Variants in SND1 observed in about 807,000 individuals in gnomAD.
The protein encoded by SND1 is staphylococcal nuclease domain-containing protein 1.
Under a neutral mutation model 121.7 loss-of-function variants are expected in SND1, and 38 were observed. The observed-to-expected ratio is 0.31, with a 90% CI of 0.24 to 0.41. The LOEUF is 0.41. Ranked by LOEUF, SND1 falls within the 10% of genes least tolerant of loss-of-function variation. The pLI is 1.00. For missense variants in SND1, 868 were observed against 1,184.6 expected (o/e 0.73, Z 3.92); for synonymous variants, 401 against 447.4 (o/e 0.90, Z 1.31).
chr7:127,713,959 C>T (rs1481745794), intron 9 of SND1, among the ~76,000 whole-genome samples: 2 of 152,128 alleles, frequency 1.3e-5, no homozygotes, highest in South Asian at 2.1e-4. Context: ...TTCCCTGTGG[C>T]GTTTTAGCTG....
At chr7:127,679,763 C>T (rs757780768) in intron 1 of SND1, among the ~76,000 whole-genome samples, 9 of 152,318 alleles carry the variant, frequency 5.9e-5, no homozygotes, top group Admixed American at 1.3e-4. Flanking sequence ...TCAATCAGTA[C>T]GCAATCTCTT....
chr7:127,732,696 A>G (rs1796701597), intron 10 of SND1, among the ~76,000 whole-genome samples: 1 of 152,268 alleles, frequency 6.6e-6, no homozygotes, highest in Admixed American at 6.5e-5. Flanking sequence ...TTTATATTCT[A>G]GAAAACTACA....
chr7:127,734,795 C>G (rs1023580532), intron 10 of SND1, among the ~76,000 whole-genome samples: 1 of 152,198 alleles, frequency 6.6e-6, no homozygotes, highest in Non-Finnish European at 1.5e-5. Context: ...TTTCAGGACT[C>G]AGCTCTGAGC....
intron 11 of SND1, among the ~76,000 whole-genome samples, chr7:127,831,912 T>G (rs1267094822): frequency 2.0e-5 from 3 of 152,166 alleles, no homozygotes; most frequent in South Asian, 4.1e-4. Flanking sequence ...ATTGCACCTT[T>G]GAAGATAAGC....
At chr7:127,757,227 ATG>A (rs768485491) in intron 10 of SND1, among the ~76,000 whole-genome samples, 1 of 152,204 alleles carries the variant, frequency 6.6e-6, no homozygotes, top group Non-Finnish European at 1.5e-5. Context: ...ATGCAATGTA[ATG>A]TCTGTGAGAT....
intron 22 of SND1, among the ~76,000 whole-genome samples, chr7:128,090,430 C>T (rs1793757993): frequency 6.6e-6 from 1 of 152,194 alleles, no homozygotes; most frequent in Non-Finnish European, 1.5e-5. Context: ...GCCACTGAGG[C>T]CCTATTGCAG....
chr7:127,741,606 G>A, intron 10 of SND1, among the ~76,000 whole-genome samples: 1 of 152,072 alleles, frequency 6.6e-6, no homozygotes, highest in East Asian at 1.9e-4. Context: ...TTCTCTACTA[G>A]CCCTTTCTCC....
At chr7:128,027,043 C>T (rs1803495114) in intron 16 of SND1, 1 of 152,252 alleles carries the variant, frequency 6.6e-6, no homozygotes, top group Admixed American at 6.6e-5. Context: ...CAGGGTCTTA[C>T]TCAATTTAAC....
chr7:127,750,877 A>G (rs1563000388), intron 10 of SND1, among the ~76,000 whole-genome samples: 1 of 152,216 alleles, frequency 6.6e-6, no homozygotes, highest in African/African-American at 2.4e-5. Context: ...ATAAAAAATC[A>G]TAAGGATGAG....
At chr7:127,688,914 A>G (rs575788150) in intron 2 of SND1, among the ~76,000 whole-genome samples, 25 of 152,326 alleles carry the variant, frequency 1.6e-4, no homozygotes, top group African/African-American at 6.0e-4. Context: ...TAGTTTTTAA[A>G]ATTATAATAA....
chr7:127,993,815 T>A (rs1297486149), intron 16 of SND1, among the ~76,000 whole-genome samples: 1 of 152,198 alleles, frequency 6.6e-6, no homozygotes, highest in Non-Finnish European at 1.5e-5. Context: ...GCCCACAGAT[T>A]GTACGATTTC....
intron 1 of SND1, among the ~76,000 whole-genome samples, chr7:127,662,769 A>G (rs973702952): frequency 1.3e-5 from 2 of 151,776 alleles, no homozygotes; most frequent in African/African-American, 2.4e-5. Context: ...GTAAATAATT[A>G]CTGTTGTCCC....
At position 127,686,569 on chromosome 7, in the gene SND1, A is replaced by G. The variant is rs200246378; in HGVS notation, c.79-44A>G. 3.6e-5 allele frequency: 58 copies of G among 1,589,234 alleles called. 1 individual carries two copies. In the Middle Eastern group the frequency reaches 8.2e-4, roughly 23 times the overall value. ...GGTACACAACCTGCATTATGGTGAT[A>G]CGGCCTCTGGACCATTCATTTTCTC... On this transcript the variant is annotated intron_variant, in intron 1 of 23. Transcript: ENST00000354725.
intron 16 of SND1, among the ~76,000 whole-genome samples, chr7:128,037,219 G>A (rs1792766151): frequency 6.6e-6 from 1 of 152,190 alleles, no homozygotes; most frequent in African/African-American, 2.4e-5. Flanking sequence ...AGGCCGTAGG[G>A]GAGAATCATT....
At chr7:127,716,781 A>G (rs1406774468) in intron 9 of SND1, among the ~76,000 whole-genome samples, 1 of 152,116 alleles carries the variant, frequency 6.6e-6, no homozygotes, top group Admixed American at 6.6e-5. Flanking sequence ...GCAGCTGAAT[A>G]TTTTTGGCAT....
intron 10 of SND1, among the ~76,000 whole-genome samples, chr7:127,772,250 C>T (rs531527772): frequency 5.9e-5 from 9 of 152,300 alleles, no homozygotes; most frequent in East Asian, 1.9e-4. Context: ...TGTCTTTTCT[C>T]ACTAGCCAAA....
chr7:127,889,434 A>G (rs1395909559), intron 13 of SND1, among the ~76,000 whole-genome samples: 2 of 151,906 alleles, frequency 1.3e-5, no homozygotes, highest in African/African-American at 2.4e-5. Flanking sequence ...AGATGTTTTG[A>G]TACAGGCATG....
At chr7:127,782,846 C>T (rs1797746936) in intron 10 of SND1, among the ~76,000 whole-genome samples, 1 of 152,150 alleles carries the variant, frequency 6.6e-6, no homozygotes, top group Non-Finnish European at 1.5e-5. Context: ...CTGAGTTTTT[C>T]AACTGCTGTA....
intron 16 of SND1, among the ~76,000 whole-genome samples, chr7:128,046,143 C>T (rs1792941823): frequency 1.3e-5 from 2 of 152,158 alleles, no homozygotes; most frequent in Admixed American, 1.3e-4. Flanking sequence ...ATCAAACAGG[C>T]TGAAGTGCAG....
Sources: allele counts gnomAD v4.1 joint callset (sites outside exome capture counted in the v4.1 genomes callset), GRCh38; gene constraint gnomAD v4.1.1; transcripts MANE v1.5; gene names NCBI Gene and HGNC (gene_info 2026-07-23, HGNC 2026-07-21).